ZBTB20: variants seen among roughly 807,000 people sequenced by gnomAD.
The protein encoded by ZBTB20 is zinc finger and BTB domain containing 20, also known as zinc finger and BTB domain-containing protein 20.
In ZBTB20, 9 loss-of-function variants were observed where a neutral mutation model predicts 56.9. The observed-to-expected ratio is 0.16, with a 90% CI of 0.10 to 0.28. The LOEUF (loss-of-function observed/expected upper bound fraction) is 0.28. ZBTB20 is among the 10% of genes least tolerant of loss of function. The pLI is 1.00. For missense variants in ZBTB20, 655 were observed against 1,003.0 expected, an observed-to-expected ratio of 0.65 and a Z score of 4.69; for synonymous variants, 417 against 420.7, an observed-to-expected ratio of 0.99 and a Z score of 0.11.
At chr3:114,557,398 C>T (rs2051377868) in intron 6 of ZBTB20, among the ~76,000 whole-genome samples, 3 of 151,914 alleles carry the variant, frequency 2.0e-5, no homozygotes, top group African/African-American at 7.2e-5. Flanking sequence ...CAACAATAAC[C>T]AGTTCTTAAG....
chr3:114,607,548 C>A (rs962129957), intron 6 of ZBTB20, among the ~76,000 whole-genome samples: 1 of 152,060 alleles, frequency 6.6e-6, no homozygotes, highest in African/African-American at 2.4e-5. Context: ...GGTGATCCAC[C>A]CGCCTCGGCC....
chr3:114,404,547 C>T (rs893986574), intron 7 of ZBTB20, among the ~76,000 whole-genome samples: 1 of 152,030 alleles, frequency 6.6e-6, no homozygotes, highest in Non-Finnish European at 1.5e-5. Context: ...AAGCTTATAT[C>T]AATAATAGTT....
intron 1 of ZBTB20, among the ~76,000 whole-genome samples, chr3:115,076,920 A>G (rs530567850): frequency 4.4e-4 from 67 of 152,256 alleles, no homozygotes; most frequent in African/African-American, 1.5e-3. Context: ...GAAGTCCACA[A>G]TCTAGATCCC....
chr3:114,582,722 A>G (rs1020391053), intron 6 of ZBTB20, among the ~76,000 whole-genome samples: 2 of 152,204 alleles, frequency 1.3e-5, no homozygotes, highest in Non-Finnish European at 2.9e-5. Flanking sequence ...TAAGGCAAAC[A>G]CCATAGATTT....
At chr3:115,063,652 A>AAC (rs67995178) in intron 2 of ZBTB20, among the ~76,000 whole-genome samples, 3,664 of 149,608 alleles carry the variant, frequency 0.024, 46 homozygotes, top group Middle Eastern at 0.041. Flanking sequence ...TTGTCAAAGC[A>AAC]ACACACACAC....
At chr3:114,659,055 A>C (rs892701365) in intron 6 of ZBTB20, among the ~76,000 whole-genome samples, 1 of 152,216 alleles carries the variant, frequency 6.6e-6, no homozygotes, top group Non-Finnish European at 1.5e-5. Flanking sequence ...ACCTCTATGT[A>C]TGCATATATT....
At chr3:114,983,858 C>T (rs1384471831) in intron 2 of ZBTB20, among the ~76,000 whole-genome samples, 3 of 151,964 alleles carry the variant, frequency 2.0e-5, no homozygotes, top group Admixed American at 6.6e-5. Context: ...TTTCTAGTTT[C>T]AAAAATGTGT....
intron 1 of ZBTB20, among the ~76,000 whole-genome samples, chr3:115,126,648 T>G (rs1278876093): frequency 1.3e-5 from 2 of 152,170 alleles, no homozygotes; most frequent in Non-Finnish European, 2.9e-5. Context: ...CTACAGCTAA[T>G]AAGTTAATAA....
At chr3:114,666,088 C>A (rs1308719473) in intron 6 of ZBTB20, among the ~76,000 whole-genome samples, 1 of 152,068 alleles carries the variant, frequency 6.6e-6, no homozygotes, top group East Asian at 1.9e-4. Context: ...GGTTATCTAT[C>A]ATGGCTGTAC....
intron 1 of ZBTB20, among the ~76,000 whole-genome samples, chr3:115,082,351 T>C (rs1034542852): frequency 6.6e-6 from 1 of 152,208 alleles, no homozygotes; most frequent in Admixed American, 6.6e-5. Flanking sequence ...TAACATTAAT[T>C]ACTTCTGAGC....
At chr3:115,007,027 A>C (rs998581808) in intron 2 of ZBTB20, among the ~76,000 whole-genome samples, 13 of 151,990 alleles carry the variant, frequency 8.6e-5, no homozygotes, top group Non-Finnish European at 1.3e-4. Context: ...TAGTAAACTT[A>C]ATGATGAGAA....
intron 4 of ZBTB20, among the ~76,000 whole-genome samples, chr3:114,806,109 A>T (rs56858760): frequency 0.13 from 19,530 of 151,738 alleles, 1,569 homozygotes; most frequent in African/African-American, 0.22. Flanking sequence ...CCTCTTAGAT[A>T]CCTCAAAGTG....
At chr3:114,929,538 T>C (rs1354523776) in intron 3 of ZBTB20, among the ~76,000 whole-genome samples, 1 of 152,180 alleles carries the variant, frequency 6.6e-6, no homozygotes, top group Non-Finnish European at 1.5e-5. Context: ...ATCATGTCAA[T>C]ATAAAAGGAA....
chr3:114,611,862 T>A (rs944466112), intron 6 of ZBTB20, among the ~76,000 whole-genome samples: 1 of 149,012 alleles, frequency 6.7e-6, no homozygotes, highest in African/African-American at 2.5e-5. Flanking sequence ...TATTTTTGCT[T>A]GTCTCTGTAA....
chr3:114,688,668 C>T (rs573663488), intron 6 of ZBTB20, among the ~76,000 whole-genome samples: 14 of 152,180 alleles, frequency 9.2e-5, no homozygotes, highest in African/African-American at 2.4e-4. Context: ...CATGATTAAC[C>T]GATCAATTTG....
intron 6 of ZBTB20, among the ~76,000 whole-genome samples, chr3:114,551,664 T>C (rs2050596658): frequency 6.6e-6 from 1 of 152,218 alleles, no homozygotes; most frequent in Non-Finnish European, 1.5e-5. Flanking sequence ...TTGGAAACCA[T>C]GGATAATATT....
At chr3:114,471,339 T>A (rs1296260045) in intron 7 of ZBTB20, among the ~76,000 whole-genome samples, 2 of 152,220 alleles carry the variant, frequency 1.3e-5, no homozygotes, top group African/African-American at 4.8e-5. Context: ...CAAGGTCACA[T>A]GACTAGTGGC....
chr3:114,815,555 G>A (rs2072856866), intron 4 of ZBTB20, among the ~76,000 whole-genome samples: 1 of 152,092 alleles, frequency 6.6e-6, no homozygotes, highest in South Asian at 2.1e-4. Flanking sequence ...AATATTTCAA[G>A]TATTTCTATA....
chr3:114,770,721 T>G (rs996551019), intron 5 of ZBTB20, among the ~76,000 whole-genome samples: 1 of 152,202 alleles, frequency 6.6e-6, no homozygotes, highest in African/African-American at 2.4e-5. Flanking sequence ...CAGTGATGAA[T>G]TTTGGAAATT....
Sources: allele counts gnomAD v4.1 joint callset (sites outside exome capture counted in the v4.1 genomes callset), GRCh38; gene constraint gnomAD v4.1.1; transcripts MANE v1.5; gene names NCBI Gene and HGNC (gene_info 2026-07-23, HGNC 2026-07-21).